TBC1D8: variants seen among roughly 807,000 people sequenced by gnomAD.
The protein encoded by TBC1D8 is BUB2-like protein 1.
TBC1D8 carries 65 observed loss-of-function variants against 118.8 expected under a neutral mutation model. The observed-to-expected ratio is 0.55, with a 90% CI of 0.45 to 0.67. The LOEUF (loss-of-function observed/expected upper bound fraction) is 0.67, where lower values mean the gene tolerates loss of function less well. Among genes scored for constraint, TBC1D8 ranks in the 30% least tolerant of loss-of-function variants. TBC1D8 has a pLI of 0.00. For synonymous variants in TBC1D8, 566 were observed against 595.8 expected (o/e 0.95, Z 0.73); for missense variants, 1,376 against 1,471.2 (o/e 0.94, Z 1.06).
chr2:101,103,548 C>T (rs964195907), intron 1 of TBC1D8, among the ~76,000 whole-genome samples: 25 of 151,992 alleles, frequency 1.6e-4, no homozygotes, highest in Admixed American at 1.0e-3. Context: ...CCCGCCACCA[C>T]GCCCGGCTAA....
chr2:101,028,887 G>A (rs1417742911), intron 12 of TBC1D8, among the ~76,000 whole-genome samples: 2 of 152,122 alleles, frequency 1.3e-5, no homozygotes, highest in Non-Finnish European at 2.9e-5. Flanking sequence ...GGTGTCCCCC[G>A]AGCCCTGTTC....
intron 2 of TBC1D8, among the ~76,000 whole-genome samples, chr2:101,072,174 T>C (rs904562255): frequency 6.6e-5 from 10 of 152,224 alleles, no homozygotes; most frequent in Non-Finnish European, 1.2e-4. Context: ...GTTAATCTGT[T>C]TGCACTGCTA....
chr2:101,084,732 G>A (rs1027573261), intron 2 of TBC1D8, among the ~76,000 whole-genome samples: 3 of 151,978 alleles, frequency 2.0e-5, no homozygotes, highest in East Asian at 1.9e-4. Flanking sequence ...CACACACAGC[G>A]CAGAATCTCC....
At chr2:101,137,437 C>T (rs904090792) in intron 1 of TBC1D8, among the ~76,000 whole-genome samples, 2 of 152,116 alleles carry the variant, frequency 1.3e-5, no homozygotes, top group African/African-American at 4.8e-5. Context: ...CTCAGCCTCT[C>T]GAGTAGCTGG....
chr2:101,015,141 C>G (rs1051214107), intron 17 of TBC1D8, among the ~76,000 whole-genome samples: 2 of 152,168 alleles, frequency 1.3e-5, no homozygotes, highest in African/African-American at 4.8e-5. Context: ...ACCTGTACAG[C>G]ATGTTACTGT....
Position 101,036,184 on chromosome 2 carries a change from T to G in TBC1D8, c.1453-16A>C. Reference sequence around the variant, plus strand: ...GTTCTCTGGACTGGAAATGGGAATATTCTTAATGTACAAAGAAGTCTGTCC... The same window carrying G: ...GTTCTCTGGACTGGAAATGGGAATAGTCTTAATGTACAAAGAAGTCTGTCC... On this transcript the variant is annotated splice_polypyrimidine_tract_variant and intron_variant, in intron 8 of 19. Transcript: ENST00000409318. The G allele has an allele frequency of 6.2e-7, 1 of 1,611,118 alleles. No individual in the cohort carries two copies. Among genetic ancestry groups the G allele is most frequent in the Non-Finnish European group, 8.5e-7 (1 of 1,177,458 alleles).
intron 1 of TBC1D8, among the ~76,000 whole-genome samples, chr2:101,111,289 C>T (rs1436159518): frequency 1.3e-5 from 2 of 152,160 alleles, no homozygotes; most frequent in African/African-American, 2.4e-5. Flanking sequence ...TTTTTCAGGG[C>T]GTGCAGCAGA....
intron 1 of TBC1D8, among the ~76,000 whole-genome samples, chr2:101,134,028 C>T (rs1029582061): frequency 1.3e-5 from 2 of 152,146 alleles, no homozygotes; most frequent in African/African-American, 4.8e-5. Context: ...CAATCACCTC[C>T]CTCCCTCGAC....
chr2:101,032,523 C>T lies in TBC1D8; in HGVS notation c.1819-138G>A, dbSNP rs189615009. The T allele has an allele frequency of 5.9e-4, 399 of 674,136 alleles. 2 individuals are homozygous for T. The Middle Eastern group carries it at 9.4e-3, about 16-fold the overall frequency. 41.8% of individuals were successfully genotyped at this position (674,136 alleles called of 1,614,324 possible). ...ATCCAGCATACACCAACCACACTGA[C>T]ACTGTACAGTGGAATGACCGTGACA... On this transcript the variant is annotated intron_variant, in intron 10 of 19. Transcript: ENST00000409318.
intron 1 of TBC1D8, among the ~76,000 whole-genome samples, chr2:101,103,280 C>CA (rs1353628452): frequency 1.0e-5 from 1 of 95,478 alleles, no homozygotes; most frequent in African/African-American, 4.2e-5. Flanking sequence ...AATTGATACA[C>CA]AAAAAATGTT....
At chr2:101,009,959 C>G (rs1393952151) in intron 19 of TBC1D8, among the ~76,000 whole-genome samples, 1 of 151,750 alleles carries the variant, frequency 6.6e-6, no homozygotes, top group Non-Finnish European at 1.5e-5. Flanking sequence ...GTAGCTGGGA[C>G]TACAGGCGCC....
intron 9 of TBC1D8, 144 bp from the exon 10 acceptor site, chr2:101,033,902 G>T: frequency 2.0e-6 from 2 of 982,672 alleles, no homozygotes; most frequent in Non-Finnish European, 2.9e-6. Context: ...GGTGGCTCAC[G>T]CCTGTAATCC....
intron 17 of TBC1D8, among the ~76,000 whole-genome samples, chr2:101,013,483 T>G (rs1243384565): frequency 1.3e-5 from 2 of 152,256 alleles, no homozygotes; most frequent in African/African-American, 4.8e-5. Context: ...GTGTTCATTG[T>G]GTCTCACTTC....
chr2:101,020,997 G>T (rs985541580), intron 17 of TBC1D8, among the ~76,000 whole-genome samples: 5 of 152,140 alleles, frequency 3.3e-5, no homozygotes, highest in African/African-American at 1.2e-4. Context: ...GGATAAAGGA[G>T]AATGTGTAAG....
chr2:101,074,505 T>A (rs182342761), intron 2 of TBC1D8, among the ~76,000 whole-genome samples: 76 of 152,308 alleles, frequency 5.0e-4, no homozygotes, highest in African/African-American at 1.7e-3. Context: ...AACCTTCAAT[T>A]TGAAAAACAT....
Position 101,007,682 on chromosome 2 carries a change from CCA to C in TBC1D8, c.*137_*138del. 2.3e-6 allele frequency: 2 copies of C among 862,116 alleles called. No homozygotes were observed. Among genetic ancestry groups the C allele is most frequent in the African/African-American group, 1.7e-5 (1 of 59,442 alleles). The allele number at this position is 862,116 out of a possible 1,614,324, so 53.4% of individuals were successfully genotyped here. A position where few individuals can be genotyped will look rare whatever the true frequency, so the allele number is the denominator to read the frequency against. ...TTGAGGGTTGTGTCGGTTCCCCTGGCCACAGTTTGTCAGGTTGTTTAGCCAGA... is the reference window on the plus strand; with the variant it reads ...TTGAGGGTTGTGTCGGTTCCCCTGGCCAGTTTGTCAGGTTGTTTAGCCAGA... On this transcript the variant is annotated 3_prime_UTR_variant, in exon 20 of 20. Coordinates refer to ENST00000409318, the MANE Select transcript of TBC1D8 (RefSeq NM_001330348.2).
chr2:101,078,985 C>T (rs895731578), intron 2 of TBC1D8, among the ~76,000 whole-genome samples: 6 of 152,038 alleles, frequency 3.9e-5, no homozygotes, highest in African/African-American at 7.3e-5. Context: ...AGTGGGCCCC[C>T]GGGGACCTCA....
Position 101,033,693 on chromosome 2 carries a change from T to A in TBC1D8, c.1669A>T (p.Lys557Ter), listed in dbSNP as rs1387927473. 6.2e-7 allele frequency: 1 copy of A among 1,613,818 alleles called. No individual in the cohort carries two copies. The highest frequency in any genetic ancestry group is 1.1e-5 in the South Asian group (1 of 91,048). Residue 557 changes from lysine to a stop codon, truncating the protein, a stop_gained, in exon 10 of 20, where the codon AAA (lysine) becomes TAA (stop). Transcript: ENST00000409318. LOFTEE classifies it high-confidence loss of function. ...YGNLVEESLG[K>*]CCLVTEEIER... ...ATCTCCTCGGTTACCAGGCAGCATT[T>A]CCCCAGGGACTCCTCCACCAGATTC...
chr2:101,060,806 C>T (rs533717871), intron 2 of TBC1D8, among the ~76,000 whole-genome samples: 3 of 152,290 alleles, frequency 2.0e-5, no homozygotes, highest in Non-Finnish European at 2.9e-5. Flanking sequence ...GATATTCTAA[C>T]CTCAAAGAAA....
Sources: allele counts gnomAD v4.1 joint callset (sites outside exome capture counted in the v4.1 genomes callset), GRCh38; gene constraint gnomAD v4.1.1; transcripts MANE v1.5; gene names NCBI Gene and HGNC (gene_info 2026-07-23, HGNC 2026-07-21).